QKI: variants seen among roughly 807,000 people sequenced by gnomAD.
QKI encodes the protein QKI, KH domain containing RNA binding.
In QKI, 10 loss-of-function variants were observed where a neutral mutation model predicts 39.0. That is an observed-to-expected ratio of 0.26 (90% CI 0.16 to 0.43). QKI has a LOEUF of 0.43. Ranked by LOEUF, QKI falls within the 20% of genes least tolerant of loss-of-function variation. The probability of loss-of-function intolerance (pLI) is 1.00; values close to 1 mark genes in which losing one functional copy is unlikely to be tolerated. For missense variants in QKI, 218 were observed against 428.0 expected (o/e 0.51, Z 4.33); for synonymous variants, 204 against 155.4 (o/e 1.31, Z -2.33).
chr6:163,561,092 A>T (rs1273023325), intron 4 of QKI, among the ~76,000 whole-genome samples: 1 of 152,228 alleles, frequency 6.6e-6, no homozygotes, highest in Non-Finnish European at 1.5e-5. Context: ...TTAGATTGAA[A>T]GGAGACAGGG....
chr6:163,514,366 ATAAT>A (rs1173715048), intron 3 of QKI, among the ~76,000 whole-genome samples: 5 of 152,170 alleles, frequency 3.3e-5, no homozygotes, highest in African/African-American at 1.2e-4. Flanking sequence ...AAAACTGATA[ATAAT>A]TTATTTATCT....
chr6:163,427,597 A>G (rs1173250033), intron 1 of QKI, among the ~76,000 whole-genome samples: 2 of 151,832 alleles, frequency 1.3e-5, no homozygotes, highest in African/African-American at 2.4e-5. Context: ...TACTGCTTCT[A>G]TTAGCTTTTA....
chr6:163,457,350 G>C (rs1221039025), intron 2 of QKI: 2 of 456,006 alleles, frequency 4.4e-6, no homozygotes, highest in South Asian at 3.1e-5. Flanking sequence ...GAGGGCACCT[G>C]TTCACTATAT....
chr6:163,451,688 T>G (rs1305475464), intron 1 of QKI, among the ~76,000 whole-genome samples: 2 of 152,208 alleles, frequency 1.3e-5, no homozygotes, highest in East Asian at 3.8e-4. Flanking sequence ...GGTTCTGAAC[T>G]TCAGTTCTCT....
At chr6:163,464,696 A>G (rs1213489913) in intron 2 of QKI, among the ~76,000 whole-genome samples, 1 of 152,180 alleles carries the variant, frequency 6.6e-6, no homozygotes, top group Admixed American at 6.5e-5. Flanking sequence ...CACTAAGTCA[A>G]AACCTCCCAA....
At chr6:163,501,827 T>C (rs1448405356) in intron 3 of QKI, among the ~76,000 whole-genome samples, 1 of 152,226 alleles carries the variant, frequency 6.6e-6, no homozygotes, top group African/African-American at 2.4e-5. Flanking sequence ...AAAACTTGTA[T>C]TAAGCAGCTA....
At chr6:163,489,680 CT>C (rs1254363165) in intron 3 of QKI, among the ~76,000 whole-genome samples, 1 of 152,026 alleles carries the variant, frequency 6.6e-6, no homozygotes, top group Non-Finnish European at 1.5e-5. Context: ...TGGAAATATG[CT>C]TTGATTTTTC....
intron 1 of QKI, among the ~76,000 whole-genome samples, chr6:163,450,871 T>C (rs1411847339): frequency 6.6e-6 from 1 of 152,192 alleles, no homozygotes; most frequent in Non-Finnish European, 1.5e-5. Context: ...CTAAGCAGAT[T>C]ATTTCCTATT....
At chr6:163,548,034 C>T (rs1781998615) in intron 4 of QKI, among the ~76,000 whole-genome samples, 1 of 152,158 alleles carries the variant, frequency 6.6e-6, no homozygotes, top group Non-Finnish European at 1.5e-5. Context: ...TTAAATAACT[C>T]ACAGTTTTCA....
At chr6:163,501,558 A>G (rs1440034562) in intron 3 of QKI, among the ~76,000 whole-genome samples, 1 of 152,218 alleles carries the variant, frequency 6.6e-6, no homozygotes, top group Non-Finnish European at 1.5e-5. Context: ...CCTGAATATT[A>G]GCATTATAGT....
At chr6:163,463,728 A>G (rs182084480) in intron 2 of QKI, among the ~76,000 whole-genome samples, 95 of 152,322 alleles carry the variant, frequency 6.2e-4, no homozygotes, top group Middle Eastern at 3.4e-3. Context: ...AATTAATAAA[A>G]ATACGAAGGC....
intron 3 of QKI, among the ~76,000 whole-genome samples, chr6:163,479,582 G>T (rs764135586): frequency 2.0e-5 from 3 of 152,206 alleles, no homozygotes; most frequent in Non-Finnish European, 4.4e-5. Flanking sequence ...ATGTTGGTCA[G>T]TCTGGTCTCG....
chr6:163,515,563 A>G (rs987206024), intron 3 of QKI, among the ~76,000 whole-genome samples: 1 of 152,204 alleles, frequency 6.6e-6, no homozygotes, highest in African/African-American at 2.4e-5. Context: ...TTGATCAAAT[A>G]CACTTGATTT....
intron 2 of QKI, among the ~76,000 whole-genome samples, chr6:163,473,267 G>GA (rs1792340174): frequency 1.3e-5 from 2 of 152,092 alleles, no homozygotes; most frequent in Admixed American, 1.3e-4. Context: ...TTACATGGGG[G>GA]AAAGGGGCTC....
rs147818485 is a variant in QKI at position 163,573,135 on chromosome 6, G to A, written c.*2425G>A. ...ATAATAAATGTGTGACATTTATAGG[G>A]AATGTTGGCTCTGAACAAACTTTTG... On this transcript the variant is annotated 3_prime_UTR_variant, in exon 8 of 8. Transcript: ENST00000361752. The A allele has an allele frequency of 2.1e-3, 327 of 152,268 alleles. 1 individual carries two copies. The highest frequency in any genetic ancestry group is 7.5e-3 in the African/African-American group (311 of 41,556). The allele number at this position is 152,268 out of a possible 1,614,324, so 9.4% of individuals were successfully genotyped here.
At chr6:163,545,934 C>T (rs1781840901) in intron 4 of QKI, among the ~76,000 whole-genome samples, 1 of 150,524 alleles carries the variant, frequency 6.6e-6, no homozygotes, top group Non-Finnish European at 1.5e-5. Context: ...TCAGAATTTG[C>T]ATATTTAGTT....
At chr6:163,569,312 G>T (rs1467967128) in intron 7 of QKI, 5 of 1,069,962 alleles carry the variant, frequency 4.7e-6, no homozygotes, top group Non-Finnish European at 5.7e-6. Flanking sequence ...TCATATGAAG[G>T]TAAATCAGTC....
intron 6 of QKI, chr6:163,564,730 G>C (rs746768050): frequency 6.2e-7 from 1 of 1,613,986 alleles, no homozygotes; most frequent in Admixed American, 1.7e-5. Context: ...TGAAGGACTA[G>C]AATACAGCAG....
chr6:163,492,423 G>C (rs764580492), intron 3 of QKI, among the ~76,000 whole-genome samples: 1 of 152,124 alleles, frequency 6.6e-6, no homozygotes, highest in Admixed American at 6.6e-5. Flanking sequence ...GACATAGTTT[G>C]TGGGGCTGTG....
Sources: allele counts gnomAD v4.1 joint callset (sites outside exome capture counted in the v4.1 genomes callset), GRCh38; gene constraint gnomAD v4.1.1; transcripts MANE v1.5; gene names NCBI Gene and HGNC (gene_info 2026-07-23, HGNC 2026-07-21).